TNFSF13B: variants seen among roughly 807,000 people sequenced by gnomAD.
TNFSF13B encodes TNF superfamily member 13b, also known as tumor necrosis factor ligand superfamily member 13B.
In TNFSF13B, 8 loss-of-function variants were observed where a neutral mutation model predicts 29.1. The observed-to-expected ratio is 0.27, with a 90% CI of 0.16 to 0.50. The LOEUF (loss-of-function observed/expected upper bound fraction) is 0.50. Ranked by LOEUF, TNFSF13B falls within the 20% of genes least tolerant of loss-of-function variation. The pLI is 0.98. For missense variants in TNFSF13B, 248 were observed against 334.9 expected, an observed-to-expected ratio of 0.74 and a Z score of 2.03; for synonymous variants, 125 against 130.8, an observed-to-expected ratio of 0.96 and a Z score of 0.30.
At chr13:108,290,940 T>G (rs1393861993) in intron 3 of TNFSF13B, among the ~76,000 whole-genome samples, 2 of 152,016 alleles carry the variant, frequency 1.3e-5, no homozygotes, top group Non-Finnish European at 2.9e-5. Context: ...ATGTAAGGTA[T>G]GAAACCAACT....
intron 3 of TNFSF13B, among the ~76,000 whole-genome samples, chr13:108,289,528 A>G (rs1332392491): frequency 6.7e-6 from 1 of 148,282 alleles, no homozygotes; most frequent in Non-Finnish European, 1.5e-5. Flanking sequence ...ATAATAATAT[A>G]TTATTAATAT....
In TNFSF13B at chr13:108,303,507, G is replaced by T; in HGVS notation, c.648G>T (p.Lys216Asn). The T allele has an allele frequency of 1.9e-6, 3 of 1,613,750 alleles. No homozygotes were observed. Among genetic ancestry groups the T allele is most frequent in the Non-Finnish European group, 2.5e-6 (3 of 1,179,794 alleles). The change falls in exon 5 of 6, where the codon AAG becomes AAT. Residue 216 changes from lysine to asparagine, a missense_variant. Around this residue, in one of 2 missense-constraint regions of TNFSF13B, gnomAD observed 62 missense variants for 138.6 expected, o/e 0.45. Coordinates refer to ENST00000375887, the MANE Select transcript of TNFSF13B (RefSeq NM_006573.5). ...TGGGACATCTAATTCAGAGGAAGAA[G>T]GTCCATGTCTTTGGGGATGAATTGA... ...YAMGHLIQRKKVHVFGDELSL... is the reference protein window; with the variant it reads ...YAMGHLIQRKNVHVFGDELSL...
chr13:108,296,891 A>G (rs116708819), intron 3 of TNFSF13B, among the ~76,000 whole-genome samples: 2,676 of 145,678 alleles, frequency 0.018, 446 homozygotes, highest in African/African-American at 0.065. Context: ...CACAAAATAT[A>G]CGCTTATACA....
At chr13:108,277,799 C>T (rs1880802139) in intron 2 of TNFSF13B, among the ~76,000 whole-genome samples, 1 of 152,124 alleles carries the variant, frequency 6.6e-6, no homozygotes, top group African/African-American at 2.4e-5. Flanking sequence ...GTGAGAACCA[C>T]CAGAGGTCAC....
chr13:108,269,691 T>C, upstream of TNFSF13B: 1 of 497,160 alleles, frequency 2.0e-6, no homozygotes, highest in Non-Finnish European at 3.5e-6. Flanking sequence ...AATCGGAGGG[T>C]AAATGCCAGC....
intron 5 of TNFSF13B, among the ~76,000 whole-genome samples, chr13:108,303,805 A>G (rs1881695801): frequency 6.6e-6 from 1 of 152,198 alleles, no homozygotes; most frequent in South Asian, 2.1e-4. Context: ...TATTACTAAT[A>G]GTTTTACCAT....
chr13:108,284,351 TAAATGAATAAATAAACAAAC>T (rs1566402137), intron 2 of TNFSF13B, among the ~76,000 whole-genome samples: 3 of 148,980 alleles, frequency 2.0e-5, no homozygotes, highest in Non-Finnish European at 4.5e-5. Flanking sequence ...AATAAATAAA[TAAATGAATAAATAAACAAAC>T]AAACAAACAA....
At chr13:108,275,087 T>C (rs889115440) in intron 2 of TNFSF13B, among the ~76,000 whole-genome samples, 1 of 152,166 alleles carries the variant, frequency 6.6e-6, no homozygotes, top group Non-Finnish European at 1.5e-5. Flanking sequence ...TAAACAGAAA[T>C]GTGGGGAAAT....
At chr13:108,292,763 T>A (rs1229903942) in intron 3 of TNFSF13B, among the ~76,000 whole-genome samples, 1 of 152,140 alleles carries the variant, frequency 6.6e-6, no homozygotes, top group African/African-American at 2.4e-5. Flanking sequence ...TGTGTTTTAA[T>A]TGGGTTGTTT....
intron 3 of TNFSF13B, among the ~76,000 whole-genome samples, chr13:108,293,176 A>G (rs1357503943): frequency 6.6e-6 from 1 of 152,146 alleles, no homozygotes; most frequent in Non-Finnish European, 1.5e-5. Context: ...GTTGAAGAAG[A>G]TGATTTCTTC....
chr13:108,303,715 CAGAA>C, intron 5 of TNFSF13B, 111 bp downstream of exon 5: 6 of 1,098,024 alleles, frequency 5.5e-6, no homozygotes, highest in Non-Finnish European at 6.5e-6. Flanking sequence ...TACAAATAGA[CAGAA>C]AGACATTCCT....
At chr13:108,306,750 A>G in intron 5 of TNFSF13B, 76 bp from the exon 6 acceptor site, 1 of 892,978 alleles carries the variant, frequency 1.1e-6, no homozygotes, top group Non-Finnish European at 1.7e-6. Flanking sequence ...TTTACAGAAC[A>G]AAATAGTTTT....
intron 3 of TNFSF13B, among the ~76,000 whole-genome samples, chr13:108,289,769 A>G (rs1170085443): frequency 6.6e-6 from 1 of 151,836 alleles, no homozygotes; most frequent in Non-Finnish European, 1.5e-5. Flanking sequence ...CGTTCATCTG[A>G]TATTTTGAGT....
rs550796691 is a variant in TNFSF13B, at chr13:108,303,958, T to C, written c.745+354T>C. 1.1e-4 allele frequency among the ~76,000 whole-genome samples: 16 copies of C among 152,270 alleles called. No homozygotes were observed. The East Asian group carries it at 3.1e-3, about 29-fold the overall frequency. On this transcript the variant is annotated intron_variant, in intron 5 of 5. Transcript: ENST00000375887. ...TTTCTTCAACACTTAATAACAACAA[T>C]AATAATATCTGACAAGGATAGAGTG...
chr13:108,277,733 T>C (rs1880800205), intron 2 of TNFSF13B, among the ~76,000 whole-genome samples: 1 of 152,156 alleles, frequency 6.6e-6, no homozygotes, highest in South Asian at 2.1e-4. Context: ...TTTTAGACCA[T>C]ATAGTGTAAC....
intron 5 of TNFSF13B, among the ~76,000 whole-genome samples, chr13:108,305,668 C>T (rs972703417): frequency 3.3e-5 from 5 of 152,042 alleles, no homozygotes; most frequent in Non-Finnish European, 7.4e-5. Flanking sequence ...TACACATAAC[C>T]TTTAATAAGT....
chr13:108,277,493 A>C (rs933107678), intron 2 of TNFSF13B, among the ~76,000 whole-genome samples: 1 of 152,116 alleles, frequency 6.6e-6, no homozygotes, highest in Non-Finnish European at 1.5e-5. Context: ...GAAATGTTAC[A>C]GGAAAGGAGT....
chr13:108,277,745 T>G (rs1374185603), intron 2 of TNFSF13B, among the ~76,000 whole-genome samples: 1 of 152,196 alleles, frequency 6.6e-6, no homozygotes, highest in Non-Finnish European at 1.5e-5. Context: ...TAGTGTAACT[T>G]CCTGACATTG....
chr13:108,284,385 A>G lies in TNFSF13B; in HGVS notation c.425-2418A>G, dbSNP rs920054170. On this transcript the variant is annotated intron_variant, in intron 2 of 5. Coordinates refer to ENST00000375887, the MANE Select transcript of TNFSF13B (RefSeq NM_006573.5). ...AAATAAACAAACAAACAAACAAACA[A>G]ACAATAAAAAAAGACAAAAGAAATA... Among the ~76,000 whole-genome samples, 7 of 152,074 alleles carry G rather than the reference A, an allele frequency of 4.6e-5. No individual in the cohort carries two copies. In the East Asian group the frequency reaches 5.8e-4, roughly 13 times the overall value.
Sources: allele counts gnomAD v4.1 joint callset (sites outside exome capture counted in the v4.1 genomes callset), GRCh38; gene constraint gnomAD v4.1.1; regional missense constraint gnomAD v4.1.1; transcripts MANE v1.5; gene names NCBI Gene and HGNC (gene_info 2026-07-23, HGNC 2026-07-21).